The following CLYBL variants were observed in gnomAD, a reference collection of about 807,000 sequenced individuals.
CLYBL encodes the protein citramalyl-CoA lyase.
A neutral mutation model predicts 38.9 loss-of-function variants in CLYBL; 31 were observed. The observed-to-expected ratio is 0.80, with a 90% CI of 0.60 to 1.08. The LOEUF (loss-of-function observed/expected upper bound fraction) is 1.08. Ranked by LOEUF, CLYBL falls within the 50% of genes least tolerant of loss-of-function variation. The pLI is 0.00. For synonymous variants in CLYBL, 171 were observed against 158.6 expected, an observed-to-expected ratio of 1.08 and a Z score of -0.59; for missense variants, 434 against 411.6, an observed-to-expected ratio of 1.05 and a Z score of -0.47.
chr13:99,615,392 C>G (rs2046693314), intron 1 of CLYBL, among the ~76,000 whole-genome samples: 4 of 152,254 alleles, frequency 2.6e-5, no homozygotes, highest in African/African-American at 9.6e-5. Flanking sequence ...AAGCTGGGCT[C>G]CTTGGGGAGG....
intron 2 of CLYBL, among the ~76,000 whole-genome samples, chr13:99,789,823 A>G (rs139823749): frequency 0.031 from 4,763 of 152,112 alleles, 261 homozygotes; most frequent in African/African-American, 0.11. Flanking sequence ...TTATTATTGT[A>G]TGGGAGTCTA....
chr13:99,809,973 T>C (rs534382245), intron 2 of CLYBL, among the ~76,000 whole-genome samples: 3 of 152,236 alleles, frequency 2.0e-5, no homozygotes, highest in Admixed American at 1.3e-4. Flanking sequence ...GAATAACCTA[T>C]GCCCAAGTTT....
intron 1 of CLYBL, among the ~76,000 whole-genome samples, chr13:99,758,211 C>T (rs935070227): frequency 3.3e-5 from 5 of 152,190 alleles, no homozygotes; most frequent in Admixed American, 1.3e-4. Context: ...TTGGGAACCC[C>T]GTCATGCTAC....
intron 2 of CLYBL, among the ~76,000 whole-genome samples, chr13:99,853,542 A>G (rs181337126): frequency 6.6e-6 from 1 of 152,346 alleles, no homozygotes; most frequent in Non-Finnish European, 1.5e-5. Context: ...AGGCAAACTA[A>G]GTTTTCTTTT....
intron 1 of CLYBL, among the ~76,000 whole-genome samples, chr13:99,637,216 T>C (rs1045293191): frequency 6.6e-6 from 1 of 152,186 alleles, no homozygotes; most frequent in Non-Finnish European, 1.5e-5. Flanking sequence ...TAATAGAGGC[T>C]ACCCAGTTTG....
chr13:99,619,106 G>A (rs1351793918), intron 1 of CLYBL, among the ~76,000 whole-genome samples: 1 of 152,236 alleles, frequency 6.6e-6, no homozygotes, highest in Non-Finnish European at 1.5e-5. Context: ...TAGTACTATG[G>A]TTTGAATGTG....
rs528125356 is a variant in CLYBL, at chr13:99,859,088, C to A, written c.438+39C>A. 12 of 1,540,282 alleles carry A rather than the reference C, an allele frequency of 7.8e-6. No individual in the cohort carries two copies. In the Admixed American group the frequency reaches 1.9e-4, roughly 25 times the overall value. ...GCTTTGCCTTAAGACTCAGGAGCAG[C>A]TAAGGAGGAGTAGCAGGAAGAAGGG... On this transcript the variant is annotated intron_variant, in intron 3 of 8. Coordinates refer to ENST00000339105, the MANE Select transcript of CLYBL (RefSeq NM_206808.5).
chr13:99,762,351 A>G (rs752273853), intron 1 of CLYBL, among the ~76,000 whole-genome samples: 8 of 152,034 alleles, frequency 5.3e-5, no homozygotes, highest in South Asian at 2.1e-4. Context: ...GTGTATGGTG[A>G]GAGATAGGGG....
chr13:99,887,085 C>A (rs1201115241), intron 7 of CLYBL, among the ~76,000 whole-genome samples: 1 of 152,210 alleles, frequency 6.6e-6, no homozygotes, highest in Non-Finnish European at 1.5e-5. Flanking sequence ...CCTGCATATC[C>A]AAGCCAGCCT....
intron 1 of CLYBL, among the ~76,000 whole-genome samples, chr13:99,633,564 A>G (rs2046979064): frequency 6.6e-6 from 1 of 151,704 alleles, no homozygotes; most frequent in Non-Finnish European, 1.5e-5. Context: ...GCTATGAAAA[A>G]GAGCTGAAAG....
chr13:99,617,311 C>T (rs1046498847), intron 1 of CLYBL, among the ~76,000 whole-genome samples: 1 of 151,926 alleles, frequency 6.6e-6, no homozygotes, highest in African/African-American at 2.4e-5. Flanking sequence ...CTAATAAGGG[C>T]CTCTCTATGG....
Position 99,863,045 on chromosome 13 carries a change from A to C in CLYBL, c.493A>C (p.Asn165His). The change falls in exon 4 of 9, where the codon AAT becomes CAT. Residue 165 changes from asparagine to histidine, a missense_variant. Asn to His is a moderately conservative substitution (Grantham distance 68). Transcript: ENST00000339105. Reference sequence around the variant, plus strand: ...AGGCCGAAAACTTGAACAACCAATGAATTTAATCCCTTTTGTGGAAACTGC... The same window carrying C: ...AGGCCGAAAACTTGAACAACCAATGCATTTAATCCCTTTTGTGGAAACTGC... ...LKGRKLEQPM[N>H]LIPFVETAMG... The C allele has an allele frequency of 2.5e-6, 4 of 1,610,962 alleles. No individual in the cohort carries two copies. The highest frequency in any genetic ancestry group is 3.4e-6 in the Non-Finnish European group (4 of 1,178,656).
chr13:99,699,809 A>C lies in CLYBL; in HGVS notation c.63-73015A>C, dbSNP rs543734945. On this transcript the variant is annotated intron_variant, in intron 1 of 8. Coordinates refer to ENST00000339105, the MANE Select transcript of CLYBL (RefSeq NM_206808.5). ...GAGTTCGAGACCATCCTGGCTAACA[A>C]GGTGAAACCCCGTCTCTACTAAAAA... Among the ~76,000 whole-genome samples the C allele has an allele frequency of 5.9e-5, 9 of 151,444 alleles. No individual in the cohort carries two copies. The South Asian group carries it at 8.4e-4, about 14-fold the overall frequency.
intron 1 of CLYBL, among the ~76,000 whole-genome samples, chr13:99,708,255 A>G (rs776038021): frequency 5.3e-5 from 8 of 152,208 alleles, no homozygotes; most frequent in Non-Finnish European, 1.0e-4. Flanking sequence ...TGCTAGGATT[A>G]CAGGCGTGAG....
chr13:99,895,492 C>T (rs2052563591), downstream of CLYBL: 1 of 152,348 alleles, frequency 6.6e-6, no homozygotes, highest in South Asian at 2.1e-4. Flanking sequence ...AGGACCAGAC[C>T]CCAGCATTTC....
At chr13:99,888,432 T>C (rs1468413708) in intron 7 of CLYBL, among the ~76,000 whole-genome samples, 1 of 152,144 alleles carries the variant, frequency 6.6e-6, no homozygotes, top group Non-Finnish European at 1.5e-5. Context: ...GCTATTATTA[T>C]TACAGTAGCA....
intron 7 of CLYBL, among the ~76,000 whole-genome samples, chr13:99,881,548 G>A (rs896989405): frequency 7.9e-5 from 12 of 151,824 alleles, no homozygotes; most frequent in African/African-American, 2.7e-4. Context: ...TCAGCCTCCC[G>A]AGTAGCTGGG....
At chr13:99,719,576 A>T (rs2048365467) in intron 1 of CLYBL, among the ~76,000 whole-genome samples, 1 of 151,878 alleles carries the variant, frequency 6.6e-6, no homozygotes, top group African/African-American at 2.4e-5. Context: ...GTGCTATCTC[A>T]GCTCACTGCA....
intron 7 of CLYBL, among the ~76,000 whole-genome samples, chr13:99,882,927 C>T (rs2052249626): frequency 6.6e-6 from 1 of 152,066 alleles, no homozygotes; most frequent in Non-Finnish European, 1.5e-5. Flanking sequence ...GCCAGACAAT[C>T]CATCCATGCT....
Sources: gnomAD v4.1 joint callset for allele counts (sites outside exome capture counted in the v4.1 genomes callset) on GRCh38, gnomAD v4.1.1 for gene constraint, MANE v1.5 for transcripts, NCBI Gene and HGNC (gene_info 2026-07-23, HGNC 2026-07-21) for gene names.